CD99L2: variants seen among roughly 807,000 people sequenced by gnomAD.
CD99L2 encodes the protein CD99 antigen-like protein 2.
In CD99L2, 24 loss-of-function variants were observed where a neutral mutation model predicts 27.3. The ratio of observed to expected loss-of-function variants is 0.88; its 90% CI spans 0.64 to 1.24. CD99L2 has a LOEUF of 1.24. Among genes scored for constraint, CD99L2 ranks in the 50% most tolerant of loss-of-function variants. The probability of loss-of-function intolerance (pLI) is 0.00; values close to 1 mark genes in which losing one functional copy is unlikely to be tolerated. For missense variants in CD99L2, 255 were observed against 221.6 expected (o/e 1.15, Z -0.96); for synonymous variants, 97 against 87.9 (o/e 1.10, Z -0.58).
intron 7 of CD99L2, among the ~76,000 whole-genome samples, chrX:150,791,822 T>C (rs904084263): frequency 2.7e-5 from 3 of 111,172 alleles, no homozygotes; most frequent in African/African-American, 9.8e-5. Context: ...TCGTTACCTA[T>C]AGGCAAAATG....
At chrX:150,778,153 G>C (rs1368640573) in intron 7 of CD99L2, among the ~76,000 whole-genome samples, 2 of 110,284 alleles carry the variant, frequency 1.8e-5, no homozygotes, top group African/African-American at 3.3e-5. Flanking sequence ...ACACACGATA[G>C]TACTGCAGAG....
At chrX:150,854,312 C>T (rs1437118191) in intron 1 of CD99L2, among the ~76,000 whole-genome samples, 1 of 111,917 alleles carries the variant, frequency 8.9e-6, no homozygotes, top group Non-Finnish European at 1.9e-5. Flanking sequence ...ACTCTGTCTG[C>T]CTCCACTTTG....
Position 150,816,192 on chromosome X carries a change from G to C in CD99L2, c.131-114C>G. The C allele has an allele frequency of 4.4e-6, 3 of 680,890 alleles. No individual in the cohort carries two copies. In the South Asian group the frequency reaches 7.4e-5, roughly 17 times the overall value. 56.1% of individuals were successfully genotyped at this position (680,890 alleles called of 1,213,427 possible). ...GTAGAATATCCTTGTCTTGGTCCTT[G>C]AGGCCCCTCTAGCTAGGAGCTCCAG... On this transcript the variant is annotated intron_variant, in intron 2 of 10. Coordinates refer to ENST00000370377, the MANE Select transcript of CD99L2 (RefSeq NM_031462.4).
At chrX:150,782,793 C>T (rs1603287983) in intron 7 of CD99L2, among the ~76,000 whole-genome samples, 2 of 111,477 alleles carry the variant, frequency 1.8e-5, no homozygotes, top group Admixed American at 1.9e-4. Context: ...CCTCACGTCA[C>T]CCAAAGGCCC....
chrX:150,814,907 C>G lies in CD99L2; in HGVS notation c.232G>C (p.Asp78His), dbSNP rs151085209. ...GSGLDLADAL[D>H]DQDDGRRKPG... ...TTCCTGCGGCCATCATCTTGATCATCCAAAGCATCAGCCAAGTCCAATCCA... is the reference window on the plus strand; with the variant it reads ...TTCCTGCGGCCATCATCTTGATCATGCAAAGCATCAGCCAAGTCCAATCCA... Residue 78 changes from aspartate (D) to histidine (H), a missense_variant, in exon 4 of 11, where the codon GAT (aspartate) becomes CAT (histidine). Physicochemically the swap from Asp to His is moderately conservative, Grantham distance 81. Transcript: ENST00000370377. The G allele has an allele frequency of 5.0e-6, 6 of 1,209,811 alleles. No homozygotes were observed. Among genetic ancestry groups the G allele is most frequent in the Non-Finnish European group, 6.7e-6 (6 of 895,118 alleles).
chrX:150,847,743 C>T (rs1557421496), intron 1 of CD99L2, among the ~76,000 whole-genome samples: 1 of 110,911 alleles, frequency 9.0e-6, no homozygotes, highest in Non-Finnish European at 1.9e-5. Flanking sequence ...AATGGCACAG[C>T]CACCCACTGC....
chrX:150,819,775 T>C (rs2046218340), intron 2 of CD99L2, among the ~76,000 whole-genome samples: 1 of 111,816 alleles, frequency 8.9e-6, no homozygotes, highest in African/African-American at 3.2e-5. Flanking sequence ...AACTTCCTAT[T>C]AAAACACAAC....
At chrX:150,816,099 A>G (rs2046150671) in intron 2 of CD99L2, 21 bp from the exon 3 acceptor site, 3 of 1,189,338 alleles carry the variant, frequency 2.5e-6, no homozygotes, top group Non-Finnish European at 2.3e-6. Flanking sequence ...GAGGGAGGAC[A>G]GCAAGGGGAG....
rs148239140 is a variant in CD99L2, at chrX:150,772,314, C to T, written c.656-1945G>A. Among the ~76,000 whole-genome samples, 807 of 112,607 alleles carry T rather than the reference C, an allele frequency of 7.2e-3. 7 individuals are homozygous for T. Among genetic ancestry groups the T allele is most frequent in the Non-Finnish European group, 0.012 (628 of 53,204 alleles). Reference sequence around the variant, plus strand: ...ACTCAGAAACCAACCGGCCCAATCCCGCCCCATGAGCACCAGGTGAGGTCA... The same window carrying T: ...ACTCAGAAACCAACCGGCCCAATCCTGCCCCATGAGCACCAGGTGAGGTCA... On this transcript the variant is annotated intron_variant, in intron 9 of 10. Coordinates refer to ENST00000370377, the MANE Select transcript of CD99L2 (RefSeq NM_031462.4).
chrX:150,832,846 G>A (rs782312594), intron 1 of CD99L2, among the ~76,000 whole-genome samples: 7 of 110,935 alleles, frequency 6.3e-5, no homozygotes, highest in East Asian at 5.7e-4. Context: ...GCAGGAGATC[G>A]AGACCATCCT....
At chrX:150,848,573 A>AC (rs11362543) in intron 1 of CD99L2, among the ~76,000 whole-genome samples, 5 of 109,255 alleles carry the variant, frequency 4.6e-5, no homozygotes, top group Admixed American at 2.9e-4. Flanking sequence ...AAAAAAAAAA[A>AC]CAGCAAGTGA....
intron 1 of CD99L2, among the ~76,000 whole-genome samples, chrX:150,846,692 T>G (rs2046708521): frequency 9.0e-6 from 1 of 110,967 alleles, no homozygotes; most frequent in Non-Finnish European, 1.9e-5. Context: ...TTCAAAAGCT[T>G]AATGGATGAA....
At chrX:150,857,098 C>T (rs782404848) in intron 1 of CD99L2, among the ~76,000 whole-genome samples, 1 of 111,471 alleles carries the variant, frequency 9.0e-6, no homozygotes. Context: ...AAAGAATGAG[C>T]AAAGCCTTCA....
At chrX:150,895,127 G>A (rs1257641076) in intron 1 of CD99L2, among the ~76,000 whole-genome samples, 1 of 111,708 alleles carries the variant, frequency 9.0e-6, no homozygotes, top group Admixed American at 9.5e-5. Flanking sequence ...ACATCAGGAG[G>A]TGATATGGGT....
chrX:150,887,490 T>A (rs200406210), intron 1 of CD99L2, among the ~76,000 whole-genome samples: 7 of 97,936 alleles, frequency 7.1e-5, no homozygotes, highest in Non-Finnish European at 1.4e-4. Context: ...ATAAATAAAA[T>A]AAAAAAATAA....
chrX:150,867,892 CAAAAAAAAAAAAAAA>C lies in CD99L2; in HGVS notation c.67+30615_67+30629del, dbSNP rs782516457. Reference sequence around the variant, plus strand: ...TGGGCGACAGAGTGAGACTCTGTCTCAAAAAAAAAAAAAAAAAAAAAAAAAAAAAACCTACAAAAA... The same window carrying C: ...TGGGCGACAGAGTGAGACTCTGTCTCAAAAAAAAAAAAAAACCTACAAAAA... On this transcript the variant is annotated intron_variant, in intron 1 of 10. Coordinates refer to ENST00000370377, the MANE Select transcript of CD99L2 (RefSeq NM_031462.4). 1.5e-3 allele frequency among the ~76,000 whole-genome samples: 28 copies of C among 19,226 alleles called. 1 individual carries two copies. In the Admixed American group the frequency reaches 0.017, roughly 11 times the overall value. The allele number at this position is 19,226 out of a possible 115,157, so 16.7% of individuals were successfully genotyped here.
chrX:150,826,686 G>A (rs2046372499), intron 2 of CD99L2, among the ~76,000 whole-genome samples: 1 of 111,898 alleles, frequency 8.9e-6, no homozygotes, highest in East Asian at 2.8e-4. Flanking sequence ...CTGTAGTGAT[G>A]GTTGTGCAAC....
intron 10 of CD99L2, among the ~76,000 whole-genome samples, chrX:150,769,857 A>C (rs1557418951): frequency 8.9e-6 from 1 of 112,898 alleles, no homozygotes; most frequent in Non-Finnish European, 1.9e-5. Flanking sequence ...CTTGATGACC[A>C]CAGAAGGGGG....
intron 9 of CD99L2, among the ~76,000 whole-genome samples, chrX:150,773,933 A>T (rs2043505930): frequency 9.0e-6 from 1 of 111,617 alleles, no homozygotes; most frequent in Non-Finnish European, 1.9e-5. Flanking sequence ...GTTGCTACGA[A>T]CCAAACCTCC....
Sources: gnomAD v4.1 joint callset for allele counts (sites outside exome capture counted in the v4.1 genomes callset) on GRCh38, gnomAD v4.1.1 for gene constraint, MANE v1.5 for transcripts, NCBI Gene and HGNC (gene_info 2026-07-23, HGNC 2026-07-21) for gene names.